The following PCDHGA1 variants were observed in gnomAD, a reference collection of about 807,000 sequenced individuals.
PCDHGA1 encodes protocadherin gamma-A1.
PCDHGA1 carries 32 observed loss-of-function variants against 58.0 expected under a neutral mutation model. That is an observed-to-expected ratio of 0.55 (90% CI 0.42 to 0.74). The LOEUF is 0.74. Ranked by LOEUF, PCDHGA1 falls within the 30% of genes least tolerant of loss-of-function variation. PCDHGA1 has a pLI of 0.00. For missense variants in PCDHGA1, 1,205 were observed against 1,182.3 expected (o/e 1.02, Z -0.28); for synonymous variants, 498 against 501.1 (o/e 0.99, Z 0.08).
rs543209695 is a variant in PCDHGA1 at position 141,431,563 on chromosome 5, C to T, written c.2422-63244C>T. 24 of 1,614,026 alleles carry T rather than the reference C, an allele frequency of 1.5e-5. No individual in the cohort carries two copies. Among genetic ancestry groups the T allele is most frequent in the Non-Finnish European group, 1.9e-5 (23 of 1,180,046 alleles). ...AGCTGCTTGTAGTCAACGCTACCGA[C>T]CCTGACGAAGGAGTCAATGCGGAAG... On this transcript the variant is annotated intron_variant, in intron 1 of 3. Transcript: ENST00000517417. The surrounding 1 kb of genome is among the most constrained non-coding windows in gnomAD (Gnocchi z 4.8).
At chr5:141,510,028 C>A (rs962629835) in intron 3 of PCDHGA1, among the ~76,000 whole-genome samples, 1 of 152,164 alleles carries the variant, frequency 6.6e-6, no homozygotes, top group Non-Finnish European at 1.5e-5. Context: ...GCTGGCTGGG[C>A]TGTTATGTAG....
At chr5:141,404,560 C>G in intron 1 of PCDHGA1, 1 of 1,613,578 alleles carries the variant, frequency 6.2e-7, no homozygotes, top group South Asian at 1.1e-5. Context: ...CGGCAAGTGA[C>G]AGTGGAAGCC....
chr5:141,349,868 G>A (rs1369681606), intron 1 of PCDHGA1, among the ~76,000 whole-genome samples: 1 of 152,122 alleles, frequency 6.6e-6, no homozygotes, highest in Admixed American at 6.6e-5. Context: ...AATACGAAAT[G>A]ATGAAGGCCC....
rs144490159 is a variant in PCDHGA1, at chr5:141,418,260, G to A, written c.2422-76547G>A. The A allele has an allele frequency of 5.0e-3, 7,995 of 1,614,000 alleles. 44 individuals carry two copies. Among genetic ancestry groups the A allele is most frequent in the Admixed American group, 9.4e-3 (566 of 60,026 alleles). ...GTTAATGACCACGCCCCTCAATTCCGGAAAGATGAAATAAACTTAGAAATC... is the reference window on the plus strand; with the variant it reads ...GTTAATGACCACGCCCCTCAATTCCAGAAAGATGAAATAAACTTAGAAATC... On this transcript the variant is annotated intron_variant, in intron 1 of 3. Coordinates refer to ENST00000517417, the MANE Select transcript of PCDHGA1 (RefSeq NM_018912.3).
At chr5:141,343,978 A>T in intron 1 of PCDHGA1, 1 of 1,398,848 alleles carries the variant, frequency 7.1e-7, no homozygotes, top group Non-Finnish European at 9.6e-7. Flanking sequence ...ATAAGATTGG[A>T]GTCCGTCGTA....
intron 1 of PCDHGA1, among the ~76,000 whole-genome samples, chr5:141,438,611 TATATATATATATATATATATATATAC>T (rs1451681129): frequency 0.1 from 4,016 of 39,372 alleles, 166 homozygotes; most frequent in Middle Eastern, 0.18. Context: ...TATATATATA[TATATATATATATATATATATATATAC>T]ACACACACAC....
chr5:141,478,292 C>T, intron 1 of PCDHGA1: 1 of 1,614,146 alleles, frequency 6.2e-7, no homozygotes, highest in Non-Finnish European at 8.5e-7. Flanking sequence ...GTCTAGAGAC[C>T]TATACCGAGC....
rs1299979776 is a variant in PCDHGA1 at position 141,512,453 on chromosome 5, G to GC, written c.*1282dup. On this transcript the variant is annotated 3_prime_UTR_variant, in exon 4 of 4. Transcript: ENST00000517417. ...TCCTGAAGCCTCAGTCCTTCACCTT[G>GC]CCAGGTGCCGTTTCTCTTCCGTGAA... The GC allele has an allele frequency of 6.5e-6, 1 of 152,880 alleles. No homozygotes were observed. The allele number at this position is 152,880 out of a possible 1,614,324, so 9.5% of individuals were successfully genotyped here.
intron 1 of PCDHGA1, chr5:141,404,094 A>C: frequency 6.2e-7 from 1 of 1,613,620 alleles, no homozygotes; most frequent in South Asian, 1.1e-5. Context: ...AAGAATGGTC[A>C]AGTTGTCTGT....
At chr5:141,401,566 C>G (rs2094168998) in intron 1 of PCDHGA1, among the ~76,000 whole-genome samples, 1 of 152,312 alleles carries the variant, frequency 6.6e-6, no homozygotes, top group African/African-American at 2.4e-5. Context: ...CTGAATTTCT[C>G]TTGCTCGGAA....
chr5:141,366,087 A>G, intron 1 of PCDHGA1: 1 of 1,614,230 alleles, frequency 6.2e-7, no homozygotes, highest in Non-Finnish European at 8.5e-7. Flanking sequence ...GAACCTGGCT[A>G]CCTGGTGACC....
At position 141,350,361 on chromosome 5, in the gene PCDHGA1, C is replaced by A. The variant is rs751339845; in HGVS notation, c.2421+17256C>A. On this transcript the variant is annotated intron_variant, in intron 1 of 3. Transcript: ENST00000517417. The stretch of plus-strand genomic sequence containing the variant: ...GCCATCTCCCAGCAGATCCGATACA[C>A]GATTCCAGAGGAGCTAGCCAACGGC... 2.6e-5 allele frequency: 41 copies of A among 1,571,096 alleles called. No individual in the cohort carries two copies. The South Asian group carries it at 4.9e-4, about 19-fold the overall frequency.
chr5:141,477,794 C>G lies in PCDHGA1; in HGVS notation c.2422-17013C>G, dbSNP rs148942362. The G allele has an allele frequency of 6.2e-7, 1 of 1,614,086 alleles. No individual in the cohort carries two copies. The highest frequency in any genetic ancestry group is 1.1e-5 in the South Asian group (1 of 91,082). On this transcript the variant is annotated intron_variant, in intron 1 of 3. Transcript: ENST00000517417. This position sits in a 1 kb window ranked among gnomAD's most constrained non-coding sequence, Gnocchi z 4.9. ...CAGCGTGAACATATTTGTCACTGAT[C>G]GCAATGACAATGCCCCCCAGGTCCT...
At chr5:141,428,188 G>T in intron 1 of PCDHGA1, 1 of 1,433,356 alleles carries the variant, frequency 7.0e-7, no homozygotes. Flanking sequence ...GACAGCCGCC[G>T]CTCTCTGCGC....
At chr5:141,488,260 G>A (rs1297588710) in intron 1 of PCDHGA1, among the ~76,000 whole-genome samples, 2 of 152,182 alleles carry the variant, frequency 1.3e-5, no homozygotes, top group Non-Finnish European at 1.5e-5. Context: ...AGGTTGGGGC[G>A]GGTTGGTCAT....
At position 141,491,583 on chromosome 5, in the gene PCDHGA1, C is replaced by T; in HGVS notation, c.2422-3224C>T. On this transcript the variant is annotated intron_variant, in intron 1 of 3. Transcript: ENST00000517417. The surrounding 1 kb of genome is among the most constrained non-coding windows in gnomAD (Gnocchi z 6.9). ...GCTACAGGACGTGCTTTTCACCGGC[C>T]TCGGACGGCAGTGACTTCACTTTTC... 1 of 1,613,964 alleles carries T rather than the reference C, an allele frequency of 6.2e-7. No individual in the cohort carries two copies. Among genetic ancestry groups the T allele is most frequent in the African/African-American group, 1.3e-5 (1 of 75,032 alleles).
chr5:141,434,509 T>C (rs1480014539), intron 1 of PCDHGA1, among the ~76,000 whole-genome samples: 3 of 152,232 alleles, frequency 2.0e-5, no homozygotes, highest in Non-Finnish European at 4.4e-5. Context: ...AGAAAACTGC[T>C]TAAAGGTGTT....
At chr5:141,370,718 G>T in intron 1 of PCDHGA1, 1 of 1,613,818 alleles carries the variant, frequency 6.2e-7, no homozygotes, top group Non-Finnish European at 8.5e-7. Flanking sequence ...AATTTGAAAT[G>T]GTTGCTGAAA....
chr5:141,344,069 A>G, intron 1 of PCDHGA1: 1 of 1,600,450 alleles, frequency 6.2e-7, no homozygotes, highest in South Asian at 1.1e-5. Context: ...ATGGCAGAGG[A>G]CTGGCCCTGC....
Sources: gnomAD v4.1 joint callset for allele counts (sites outside exome capture counted in the v4.1 genomes callset) on GRCh38, gnomAD v4.1.1 for gene constraint, Gnocchi (gnomAD v3.1) non-coding constraint, MANE v1.5 for transcripts, NCBI Gene and HGNC (gene_info 2026-07-23, HGNC 2026-07-21) for gene names.